Variants in KIAA1217 observed in about 807,000 individuals in gnomAD.
KIAA1217 encodes sickle tail protein homolog.
Under a neutral mutation model 163.9 loss-of-function variants are expected in KIAA1217, and 88 were observed. The observed-to-expected ratio is 0.54, with a 90% CI of 0.45 to 0.64. KIAA1217 has a LOEUF of 0.64. Ranked by LOEUF, KIAA1217 falls within the 30% of genes least tolerant of loss-of-function variation. The pLI, the probability that KIAA1217 is intolerant of heterozygous loss-of-function variation, is 0.00. For missense variants in KIAA1217, 2,372 were observed against 2,475.0 expected (o/e 0.96, Z 0.88); for synonymous variants, 903 against 923.1 (o/e 0.98, Z 0.39).
chr10:24,508,199 A>T (rs1025144090), intron 9 of KIAA1217, among the ~76,000 whole-genome samples: 3 of 152,194 alleles, frequency 2.0e-5, no homozygotes, highest in Non-Finnish European at 4.4e-5. Context: ...TATTCCAGGA[A>T]TGCAAGATTG....
intron 1 of KIAA1217, among the ~76,000 whole-genome samples, chr10:23,708,288 C>T (rs1389377478): frequency 6.6e-6 from 1 of 152,174 alleles, no homozygotes; most frequent in African/African-American, 2.4e-5. Flanking sequence ...ATGGGAGCTG[C>T]AATTCAAGAT....
At chr10:24,217,247 A>G (rs1051762872) in intron 1 of KIAA1217, among the ~76,000 whole-genome samples, 1 of 152,140 alleles carries the variant, frequency 6.6e-6, no homozygotes, top group Non-Finnish European at 1.5e-5. Context: ...AGATCATTTT[A>G]AAGGTAGCCA....
intron 2 of KIAA1217, among the ~76,000 whole-genome samples, chr10:24,364,859 A>C (rs1328652241): frequency 2.7e-5 from 4 of 150,706 alleles, no homozygotes; most frequent in Non-Finnish European, 5.9e-5. Flanking sequence ...GTGTGATCAT[A>C]GCTCACTGTA....
chr10:23,721,372 C>T (rs1307972541), intron 1 of KIAA1217, among the ~76,000 whole-genome samples: 2 of 152,170 alleles, frequency 1.3e-5, no homozygotes, highest in East Asian at 3.8e-4. Flanking sequence ...ACCTGACTGA[C>T]TCTGATGGAC....
At chr10:23,852,697 G>T (rs1839416437) in intron 1 of KIAA1217, among the ~76,000 whole-genome samples, 1 of 152,132 alleles carries the variant, frequency 6.6e-6, no homozygotes, top group African/African-American at 2.4e-5. Context: ...TCATTGAGCA[G>T]TGGTTTGTAG....
intron 6 of KIAA1217, among the ~76,000 whole-genome samples, chr10:24,476,494 C>A (rs545651084): frequency 6.6e-6 from 1 of 152,004 alleles, no homozygotes; most frequent in Non-Finnish European, 1.5e-5. Flanking sequence ...TGTTAGAAAA[C>A]CTTTTTAGAA....
At position 24,187,736 on chromosome 10, in the gene KIAA1217, C is replaced by T. The variant is rs193115604; in HGVS notation, c.-170-31890C>T. Among the ~76,000 whole-genome samples, 370 of 151,788 alleles carry T rather than the reference C, an allele frequency of 2.4e-3. 1 individual carries two copies. The highest frequency in any genetic ancestry group is 6.8e-3 in the Middle Eastern group (2 of 294). On this transcript the variant is annotated intron_variant, in intron 2 of 18. Transcript: ENST00000376462. ...AGACACCCCATCTCTACTAAAAAAACGAAATTAGCCAGGCACAGTGGCACA... is the reference window on the plus strand; with the variant it reads ...AGACACCCCATCTCTACTAAAAAAATGAAATTAGCCAGGCACAGTGGCACA...
In KIAA1217 at chr10:24,494,573, C is replaced by A. The variant is rs1397301804; in HGVS notation, c.1753C>A (p.Pro585Thr). 1 of 1,612,902 alleles carries A rather than the reference C, an allele frequency of 6.2e-7. No homozygotes were observed. Among genetic ancestry groups the A allele is most frequent in the South Asian group, 1.1e-5 (1 of 90,912 alleles). Residue 585 changes from proline (P) to threonine (T), a missense_variant, in exon 7 of 21, where the codon CCC becomes ACC. Physicochemically the swap from Pro to Thr is conservative, Grantham distance 38. This residue lies in a region of KIAA1217 where 1,431 missense variants were observed against 1,470.3 expected (regional missense o/e 0.97). Coordinates refer to ENST00000376454, the MANE Select transcript of KIAA1217 (RefSeq NM_019590.5). ...GLVQSALFKGPITSYSKDASS... is the reference protein window; with the variant it reads ...GLVQSALFKGTITSYSKDASS... ...TGTTCAGTCTGCGCTTTTTAAAGGG[C>A]CCATTACAAGTTATAGCAAAGATGC...
intron 2 of KIAA1217, among the ~76,000 whole-genome samples, chr10:24,372,313 A>G (rs1307572907): frequency 6.6e-6 from 1 of 152,128 alleles, no homozygotes; most frequent in Non-Finnish European, 1.5e-5. Flanking sequence ...TAAGAAAACA[A>G]CAACTGAGAA....
At chr10:24,123,482 G>T (rs1415657639) in intron 2 of KIAA1217, among the ~76,000 whole-genome samples, 9 of 152,080 alleles carry the variant, frequency 5.9e-5, no homozygotes, top group African/African-American at 2.2e-4. Context: ...TTATGTATGT[G>T]CTAGAATTTC....
intron 5 of KIAA1217, among the ~76,000 whole-genome samples, chr10:24,445,293 C>T (rs2060828363): frequency 6.6e-6 from 1 of 152,174 alleles, no homozygotes; most frequent in East Asian, 1.9e-4. Flanking sequence ...CTTGATATTT[C>T]CATTTAAGTT....
intron 2 of KIAA1217, among the ~76,000 whole-genome samples, chr10:24,340,069 A>G (rs944307548): frequency 1.3e-5 from 2 of 152,222 alleles, no homozygotes; most frequent in Non-Finnish European, 2.9e-5. Flanking sequence ...TAACCATCCA[A>G]CTGGGACCTG....
At chr10:23,931,050 T>C (rs943378188) in intron 1 of KIAA1217, among the ~76,000 whole-genome samples, 5 of 152,182 alleles carry the variant, frequency 3.3e-5, no homozygotes, top group African/African-American at 1.2e-4. Context: ...TATTAAATAC[T>C]TTTCTATAAT....
intron 2 of KIAA1217, among the ~76,000 whole-genome samples, chr10:24,020,531 C>T (rs7904211): frequency 1.3e-5 from 2 of 152,108 alleles, no homozygotes; most frequent in Admixed American, 6.6e-5. Context: ...TTGGGAAGCA[C>T]GGGTGCCTTT....
chr10:24,204,770 C>T (rs1052990869), upstream of KIAA1217, among the ~76,000 whole-genome samples: 11 of 152,232 alleles, frequency 7.2e-5, 1 homozygote, highest in Admixed American at 6.5e-4. Context: ...GGAGAGCCCA[C>T]ATTTCACATG....
chr10:24,292,146 A>G (rs1420070937), intron 2 of KIAA1217, among the ~76,000 whole-genome samples: 1 of 152,202 alleles, frequency 6.6e-6, no homozygotes, highest in African/African-American at 2.4e-5. Context: ...AATAAAACAC[A>G]ATACAAGATT....
chr10:24,092,928 T>TGTGTTGTGTGTGTGTGTG (rs548350322), intron 2 of KIAA1217, among the ~76,000 whole-genome samples: 1 of 141,068 alleles, frequency 7.1e-6, no homozygotes, highest in African/African-American at 2.7e-5. Context: ...TGTGTGTGTG[T>TGTGTTGTGTGTGTGTGTG]TGTGTGTGTG....
intron 1 of KIAA1217, among the ~76,000 whole-genome samples, chr10:23,933,958 A>G (rs975028048): frequency 6.6e-6 from 1 of 152,162 alleles, no homozygotes; most frequent in African/African-American, 2.4e-5. Context: ...AATTAGTTCA[A>G]CCATTATTGA....
chr10:24,404,904 A>G (rs1160327489), intron 3 of KIAA1217, among the ~76,000 whole-genome samples: 1 of 152,220 alleles, frequency 6.6e-6, no homozygotes, highest in African/African-American at 2.4e-5. Context: ...GTACCATTCC[A>G]CTGATACAAA....
Sources: allele counts gnomAD v4.1 joint callset (sites outside exome capture counted in the v4.1 genomes callset), GRCh38; gene constraint gnomAD v4.1.1; regional missense constraint gnomAD v4.1.1; transcripts MANE v1.5; gene names NCBI Gene and HGNC (gene_info 2026-07-23, HGNC 2026-07-21).